The following GRM7 variants were observed in gnomAD, a reference collection of about 807,000 sequenced individuals.
The protein encoded by GRM7 is glutamate metabotropic receptor 7.
Under a neutral mutation model 84.5 loss-of-function variants are expected in GRM7, and 35 were observed. That is an observed-to-expected ratio of 0.41 (90% CI 0.32 to 0.55). The LOEUF (loss-of-function observed/expected upper bound fraction) is 0.55, where lower values mean the gene tolerates loss of function less well. Among genes scored for constraint, GRM7 ranks in the 20% least tolerant of loss-of-function variants. GRM7 has a pLI of 0.19. For synonymous variants in GRM7, 487 were observed against 455.1 expected, an observed-to-expected ratio of 1.07 and a Z score of -0.89; for missense variants, 1,003 against 1,194.6, an observed-to-expected ratio of 0.84 and a Z score of 2.36.
chr3:6,878,539 C>CGTAAA (rs1574959622), intron 1 of GRM7, among the ~76,000 whole-genome samples: 2 of 94,560 alleles, frequency 2.1e-5, no homozygotes, highest in East Asian at 4.4e-4. Context: ...AAGAGATTAA[C>CGTAAA]ATAAAATAAT....
intron 2 of GRM7, among the ~76,000 whole-genome samples, chr3:7,192,762 C>T (rs1179099276): frequency 6.6e-6 from 1 of 152,120 alleles, no homozygotes; most frequent in Non-Finnish European, 1.5e-5. Flanking sequence ...CTTTTCTTCA[C>T]AGCCAGATTC....
At chr3:7,086,385 CT>C (rs940597154) in intron 1 of GRM7, among the ~76,000 whole-genome samples, 1 of 152,036 alleles carries the variant, frequency 6.6e-6, no homozygotes, top group South Asian at 2.1e-4. Context: ...TTTAAACACA[CT>C]TTTTTTGTTG....
chr3:6,980,762 G>A (rs944810418), intron 1 of GRM7, among the ~76,000 whole-genome samples: 9 of 152,192 alleles, frequency 5.9e-5, no homozygotes, highest in African/African-American at 2.2e-4. Context: ...GAACTTGAGT[G>A]AGCTTCCCTG....
chr3:7,588,462 G>A (rs984524841), intron 8 of GRM7, among the ~76,000 whole-genome samples: 1 of 152,198 alleles, frequency 6.6e-6, no homozygotes, highest in Admixed American at 6.5e-5. Flanking sequence ...ATAAAGCACT[G>A]AGAAGTGAGC....
At chr3:7,476,665 T>C (rs2124930861) in intron 7 of GRM7, among the ~76,000 whole-genome samples, 1 of 152,334 alleles carries the variant, frequency 6.6e-6, no homozygotes, top group Middle Eastern at 3.4e-3. Flanking sequence ...AATAAGACCA[T>C]GTCACTCTTC....
At chr3:7,662,470 G>C (rs1699508391) in intron 8 of GRM7, among the ~76,000 whole-genome samples, 1 of 152,200 alleles carries the variant, frequency 6.6e-6, no homozygotes, top group South Asian at 2.1e-4. Flanking sequence ...CGAATGCAAT[G>C]TATGAACCTT....
At position 6,863,489 on chromosome 3, in the gene GRM7, C is replaced by T. The variant is rs1444493426; in HGVS notation, c.519+1582C>T. On this transcript the variant is annotated intron_variant, in intron 1 of 9. Transcript: ENST00000357716. This position sits in a 1 kb window ranked among gnomAD's most constrained non-coding sequence, Gnocchi z 4.8. The stretch of plus-strand genomic sequence containing the variant: ...CCATCCAAGGCTGCAGCTTGCATGG[C>T]CCCTCTGATCCTCTGAGCATCTCTG... Among the ~76,000 whole-genome samples the T allele has an allele frequency of 6.6e-6, 1 of 152,174 alleles. No homozygotes were observed. The highest frequency in any genetic ancestry group is 2.4e-5 in the African/African-American group (1 of 41,444).
At chr3:6,891,110 T>C (rs1695921781) in intron 1 of GRM7, among the ~76,000 whole-genome samples, 1 of 152,246 alleles carries the variant, frequency 6.6e-6, no homozygotes, top group African/African-American at 2.4e-5. Context: ...TCCTTTTATT[T>C]TGAGCCTATA....
chr3:6,894,887 C>G (rs578260611), intron 1 of GRM7, among the ~76,000 whole-genome samples: 31 of 152,242 alleles, frequency 2.0e-4, no homozygotes, highest in Admixed American at 6.5e-4. Context: ...TCTATTTTCT[C>G]TAGGAGATGG....
At chr3:7,294,936 C>A (rs928524217) in intron 2 of GRM7, among the ~76,000 whole-genome samples, 2 of 152,172 alleles carry the variant, frequency 1.3e-5, no homozygotes, top group Admixed American at 1.3e-4. Flanking sequence ...CAAACATATA[C>A]TTTTAACCAA....
At chr3:7,291,970 C>T (rs147063433) in intron 2 of GRM7, among the ~76,000 whole-genome samples, 1 of 152,164 alleles carries the variant, frequency 6.6e-6, no homozygotes, top group African/African-American at 2.4e-5. Context: ...TAAAGGGAAA[C>T]CCATTTCGCT....
chr3:7,112,777 T>C (rs931321090), intron 1 of GRM7, among the ~76,000 whole-genome samples: 1 of 152,104 alleles, frequency 6.6e-6, no homozygotes, highest in African/African-American at 2.4e-5. Context: ...TCAGGAGAAA[T>C]TTTCCTATCC....
chr3:6,879,172 T>A (rs2124958852), intron 1 of GRM7, among the ~76,000 whole-genome samples: 1 of 148,790 alleles, frequency 6.7e-6, no homozygotes, highest in African/African-American at 2.5e-5. Flanking sequence ...TGTCCCCAAT[T>A]TACAGATAAA....
At chr3:6,962,471 G>T (rs1175334134) in intron 1 of GRM7, among the ~76,000 whole-genome samples, 1 of 151,980 alleles carries the variant, frequency 6.6e-6, no homozygotes, top group Non-Finnish European at 1.5e-5. Context: ...AAATGAGAAA[G>T]GAAAACTCAC....
At chr3:7,099,072 G>A (rs1013787718) in intron 1 of GRM7, among the ~76,000 whole-genome samples, 1 of 151,502 alleles carries the variant, frequency 6.6e-6, no homozygotes, top group Non-Finnish European at 1.5e-5. Flanking sequence ...TTGTGCTTGA[G>A]CTTGTTTCAG....
chr3:6,946,148 G>C (rs1222388705), intron 1 of GRM7, among the ~76,000 whole-genome samples: 1 of 152,166 alleles, frequency 6.6e-6, no homozygotes, highest in Non-Finnish European at 1.5e-5. Context: ...CCTATGTCCT[G>C]AATCATATTG....
chr3:7,361,480 C>T (rs1172065150), intron 4 of GRM7, among the ~76,000 whole-genome samples: 2 of 152,114 alleles, frequency 1.3e-5, no homozygotes, highest in Non-Finnish European at 2.9e-5. Context: ...TTTTACATGG[C>T]ATAACTGTTT....
intron 1 of GRM7, among the ~76,000 whole-genome samples, chr3:6,921,127 T>C (rs966987019): frequency 1.3e-5 from 2 of 152,192 alleles, no homozygotes; most frequent in African/African-American, 4.8e-5. Context: ...CCATGCTGCA[T>C]CCCCACTTTG....
At chr3:7,645,546 TAAA>T (rs71043684) in intron 8 of GRM7, among the ~76,000 whole-genome samples, 42,187 of 86,914 alleles carry the variant, frequency 0.49, 8,839 homozygotes, top group Non-Finnish European at 0.57. Flanking sequence ...GACTCCATCT[TAAA>T]AAAAAAAAAA....
Sources: allele counts gnomAD v4.1 joint callset (sites outside exome capture counted in the v4.1 genomes callset), GRCh38; gene constraint gnomAD v4.1.1; non-coding constraint Gnocchi (gnomAD v3.1); transcripts MANE v1.5; gene names NCBI Gene and HGNC (gene_info 2026-07-23, HGNC 2026-07-21).